The following ATXN1 variants were observed in gnomAD, a reference collection of about 807,000 sequenced individuals.
ATXN1 encodes ataxin-1.
In ATXN1, 8 loss-of-function variants were observed where a neutral mutation model predicts 56.4. The ratio of observed to expected loss-of-function variants is 0.14; its 90% CI spans 0.08 to 0.26. The LOEUF (loss-of-function observed/expected upper bound fraction) is 0.26. Ranked by LOEUF, ATXN1 falls within the 10% of genes least tolerant of loss-of-function variation. The pLI is 1.00. For synonymous variants in ATXN1, 514 were observed against 494.6 expected, an observed-to-expected ratio of 1.04 and a Z score of -0.52; for missense variants, 987 against 1,106.5, an observed-to-expected ratio of 0.89 and a Z score of 1.53.
intron 2 of ATXN1, among the ~76,000 whole-genome samples, chr6:16,700,123 T>C (rs557965133): frequency 1.6e-4 from 24 of 152,294 alleles, no homozygotes; most frequent in East Asian, 5.8e-4. Context: ...AGTTTGTGCT[T>C]TGCAGCAGAG....
chr6:16,454,971 C>T (rs994650819), intron 6 of ATXN1, among the ~76,000 whole-genome samples: 4 of 152,048 alleles, frequency 2.6e-5, no homozygotes, highest in African/African-American at 9.7e-5. Flanking sequence ...CAGCAGTGAC[C>T]ACCACTGTTA....
chr6:16,380,467 ATCCATGTGACTTTTTTTTT>A (rs1758078829), intron 6 of ATXN1, among the ~76,000 whole-genome samples: 1 of 147,968 alleles, frequency 6.8e-6, no homozygotes, highest in African/African-American at 2.5e-5. Context: ...AGGAACTGGC[ATCCATGTGACTTTTTTTTT>A]TTTTTAAAAG....
chr6:16,739,146 A>G (rs1349112547), intron 2 of ATXN1: 1 of 145,300 alleles, frequency 6.9e-6, no homozygotes, highest in East Asian at 2.0e-4. Context: ...TAATATATAC[A>G]TTTTGGTTGT....
chr6:16,402,911 G>GA (rs1187715936), intron 6 of ATXN1, among the ~76,000 whole-genome samples: 6 of 152,160 alleles, frequency 3.9e-5, no homozygotes, highest in Non-Finnish European at 8.8e-5. Flanking sequence ...TAACTCCACA[G>GA]AAAAAATTCA....
At chr6:16,307,131 T>G (rs901041224) in intron 7 of ATXN1, among the ~76,000 whole-genome samples, 2 of 152,216 alleles carry the variant, frequency 1.3e-5, no homozygotes, top group Non-Finnish European at 2.9e-5. Context: ...AAGTGTTAGC[T>G]CTATAGCTGG....
intron 2 of ATXN1, among the ~76,000 whole-genome samples, chr6:16,720,053 C>T (rs537761624): frequency 6.6e-6 from 1 of 152,288 alleles, no homozygotes; most frequent in South Asian, 2.1e-4. Flanking sequence ...ATCCAAGCTC[C>T]TGCAGCCTCT....
In ATXN1 at chr6:16,299,327, T is replaced by C. The variant is rs906069683; in HGVS notation, c.*7002A>G. The stretch of plus-strand genomic sequence containing the variant: ...AACAGACTCGAGTGTATCCTACAAA[T>C]AGACACACCACGATTAGAAAATAGA... On this transcript the variant is annotated 3_prime_UTR_variant, in exon 8 of 8. Coordinates refer to ENST00000436367, the MANE Select transcript of ATXN1 (RefSeq NM_001128164.2). 6.6e-6 allele frequency: 1 copy of C among 152,550 alleles called. No individual in the cohort carries two copies. The highest frequency in any genetic ancestry group is 1.5e-5 in the Non-Finnish European group (1 of 68,006). 9.4% of individuals were successfully genotyped at this position (152,550 alleles called of 1,614,324 possible).
chr6:16,602,848 T>C (rs1414327338), intron 3 of ATXN1, among the ~76,000 whole-genome samples: 1 of 152,170 alleles, frequency 6.6e-6, no homozygotes, highest in Non-Finnish European at 1.5e-5. Flanking sequence ...AAGATAGAAA[T>C]GCTTTGACAT....
At chr6:16,748,163 A>C (rs180690322) in intron 2 of ATXN1, among the ~76,000 whole-genome samples, 1 of 152,354 alleles carries the variant, frequency 6.6e-6, no homozygotes, top group African/African-American at 2.4e-5. Context: ...TTGAAAGTGC[A>C]TAGGAATCTC....
intron 6 of ATXN1, among the ~76,000 whole-genome samples, chr6:16,346,905 G>A (rs1244467534): frequency 6.6e-6 from 1 of 152,244 alleles, no homozygotes; most frequent in East Asian, 1.9e-4. Flanking sequence ...TGGGAACCCG[G>A]GCTGCGCGCG....
chr6:16,654,481 T>C (rs1581334485), intron 3 of ATXN1, among the ~76,000 whole-genome samples: 2 of 148,068 alleles, frequency 1.4e-5, no homozygotes, highest in Admixed American at 1.4e-4. Context: ...GAGGCGAAGG[T>C]TGCAGTGAGC....
chr6:16,324,333 C>T (rs1760752983), intron 7 of ATXN1, among the ~76,000 whole-genome samples: 2 of 151,916 alleles, frequency 1.3e-5, no homozygotes, highest in Admixed American at 1.3e-4. Flanking sequence ...CACCTGTGGT[C>T]CTAGCTACTA....
chr6:16,674,678 C>T (rs1758623116), intron 2 of ATXN1, among the ~76,000 whole-genome samples: 2 of 151,952 alleles, frequency 1.3e-5, no homozygotes, highest in Admixed American at 1.3e-4. Flanking sequence ...TCCTAAAGTT[C>T]ACTGCAACTT....
intron 3 of ATXN1, among the ~76,000 whole-genome samples, chr6:16,638,440 T>G: frequency 9.2e-6 from 1 of 108,776 alleles, no homozygotes; most frequent in Non-Finnish European, 1.7e-5. Context: ...AGCTAGACGC[T>G]GCCTCAAAAA....
chr6:16,328,870 T>TGAGCC lies in ATXN1; in HGVS notation c.-160-405_-160-401dup, dbSNP rs1760914471. ...TGAACCCAGGAGGCAGAGGTTGCAG[T>TGAGCC]GAGCCGAGATTGCACCATTGTACTC... On this transcript the variant is annotated intron_variant, in intron 6 of 7. Transcript: ENST00000436367. The surrounding 1 kb of genome is among the most constrained non-coding windows in gnomAD (Gnocchi z 6.2). Among the ~76,000 whole-genome samples the TGAGCC allele has an allele frequency of 6.6e-6, 1 of 152,160 alleles. No homozygotes were observed. Among genetic ancestry groups the TGAGCC allele is most frequent in the African/African-American group, 2.4e-5 (1 of 41,430 alleles).
At chr6:16,670,505 G>A (rs1290764763) in intron 2 of ATXN1, among the ~76,000 whole-genome samples, 1 of 152,204 alleles carries the variant, frequency 6.6e-6, no homozygotes, top group Non-Finnish European at 1.5e-5. Context: ...AAAGAGATCT[G>A]GAGAAAACAG....
chr6:16,471,688 C>CGTGTGTGTGTGTGT lies in ATXN1; in HGVS notation c.-161+14270_-161+14283dup, dbSNP rs70999327. ...GAGTGTGCGTATGTGTGCATGCATG[C>CGTGTGTGTGTGTGT]GTGTGTGTGTGTGTGTGTGTGTGAG... is the stretch of plus-strand genomic sequence containing the variant. On this transcript the variant is annotated intron_variant, in intron 6 of 7. Coordinates refer to ENST00000436367, the MANE Select transcript of ATXN1 (RefSeq NM_001128164.2). Among the ~76,000 whole-genome samples the CGTGTGTGTGTGTGT allele has an allele frequency of 3.3e-5, 5 of 149,390 alleles. No individual in the cohort carries two copies. The Admixed American group carries it at 3.4e-4, about 10-fold the overall frequency.
chr6:16,757,965 T>C (rs1310733065), intron 1 of ATXN1, among the ~76,000 whole-genome samples: 2 of 152,220 alleles, frequency 1.3e-5, no homozygotes, highest in African/African-American at 4.8e-5. Context: ...TACATGTTTA[T>C]TGTCCAAAAG....
intron 6 of ATXN1, among the ~76,000 whole-genome samples, chr6:16,444,001 A>G (rs1481011734): frequency 6.6e-6 from 1 of 151,920 alleles, no homozygotes; most frequent in African/African-American, 2.4e-5. Flanking sequence ...CTGTAGTCCC[A>G]GCTACTCGGG....
Sources: gnomAD v4.1 joint callset for allele counts (sites outside exome capture counted in the v4.1 genomes callset) on GRCh38, gnomAD v4.1.1 for gene constraint, Gnocchi (gnomAD v3.1) non-coding constraint, MANE v1.5 for transcripts, NCBI Gene and HGNC (gene_info 2026-07-23, HGNC 2026-07-21) for gene names.